Variants in TRPM3 observed in about 807,000 individuals in gnomAD.
TRPM3 encodes transient receptor potential cation channel subfamily M member 3, also known as long transient receptor potential channel 3.
A neutral mutation model predicts 181.2 loss-of-function variants in TRPM3; 77 were observed. That is an observed-to-expected ratio of 0.42 (90% CI 0.35 to 0.51). TRPM3 has a LOEUF of 0.51. TRPM3 is among the 20% of genes least tolerant of loss of function. The pLI is 0.01. For synonymous variants in TRPM3, 745 were observed against 796.4 expected (o/e 0.94, Z 1.09); for missense variants, 1,759 against 2,196.7 (o/e 0.80, Z 3.98).
intron 8 of TRPM3, among the ~76,000 whole-genome samples, chr9:70,698,734 C>A (rs1019908227): frequency 5.3e-5 from 8 of 151,996 alleles, no homozygotes; most frequent in African/African-American, 1.9e-4. Flanking sequence ...TTAGCACCAT[C>A]CCCCCTTGGT....
chr9:70,870,943 A>G (rs1214513075), intron 1 of TRPM3, among the ~76,000 whole-genome samples: 1 of 151,996 alleles, frequency 6.6e-6, no homozygotes, highest in Non-Finnish European at 1.5e-5. Flanking sequence ...ATAGTCAGAA[A>G]ATATTTTTTT....
chr9:71,261,715 G>A (rs1410506283), intron 1 of TRPM3, among the ~76,000 whole-genome samples: 1 of 152,172 alleles, frequency 6.6e-6, no homozygotes, highest in African/African-American at 2.4e-5. Context: ...TCATGTTGAT[G>A]CTATTGGTTT....
intron 22 of TRPM3, among the ~76,000 whole-genome samples, chr9:70,589,760 G>T (rs763113311): frequency 6.6e-6 from 1 of 152,290 alleles, no homozygotes; most frequent in South Asian, 2.1e-4. Flanking sequence ...AGTCTTGATT[G>T]CCTTAGATAA....
chr9:70,642,369 T>C (rs567842278), intron 9 of TRPM3, among the ~76,000 whole-genome samples: 2 of 152,326 alleles, frequency 1.3e-5, no homozygotes, highest in East Asian at 1.9e-4. Flanking sequence ...CTCTTCATCA[T>C]TGCTGCTTCT....
At chr9:70,770,217 G>A (rs1478400329) in intron 7 of TRPM3, among the ~76,000 whole-genome samples, 1 of 152,114 alleles carries the variant, frequency 6.6e-6, no homozygotes, top group African/African-American at 2.4e-5. Context: ...AAGTGAACTG[G>A]CTGCCCAACT....
intron 1 of TRPM3, among the ~76,000 whole-genome samples, chr9:71,162,635 T>A (rs2076337067): frequency 6.6e-6 from 1 of 152,194 alleles, no homozygotes; most frequent in African/African-American, 2.4e-5. Flanking sequence ...TGAATTTTTT[T>A]AATTTAGAAA....
At chr9:71,253,920 A>G (rs1351670722) in intron 1 of TRPM3, among the ~76,000 whole-genome samples, 1 of 152,168 alleles carries the variant, frequency 6.6e-6, no homozygotes, top group East Asian at 1.9e-4. Context: ...ATGAAAGTGG[A>G]TAAATTATTA....
chr9:71,348,558 ATT>A (rs1456992494), intron 1 of TRPM3, among the ~76,000 whole-genome samples: 32 of 148,916 alleles, frequency 2.1e-4, no homozygotes, highest in Admixed American at 4.7e-4. Context: ...TTATATATTT[ATT>A]TATTTATTTA....
chr9:70,604,877 G>A (rs1177271661), intron 19 of TRPM3, among the ~76,000 whole-genome samples: 4 of 151,074 alleles, frequency 2.6e-5, no homozygotes, highest in Non-Finnish European at 4.4e-5. Flanking sequence ...CAAACTCCTG[G>A]GCTCAAGAGA....
intron 11 of TRPM3, 128 bp from the exon 12 acceptor site, chr9:70,635,389 T>C: frequency 1.5e-6 from 1 of 673,648 alleles, no homozygotes; most frequent in East Asian, 2.6e-5. Flanking sequence ...CTTGTTCTAG[T>C]TGCTCAGTGT....
At chr9:71,370,546 C>G (rs948591303) in intron 1 of TRPM3, among the ~76,000 whole-genome samples, 6 of 152,134 alleles carry the variant, frequency 3.9e-5, no homozygotes, top group African/African-American at 7.2e-5. Flanking sequence ...GGCCCTAACT[C>G]TCTTCAATTC....
At chr9:71,163,310 A>G (rs923364880) in intron 1 of TRPM3, among the ~76,000 whole-genome samples, 1 of 152,060 alleles carries the variant, frequency 6.6e-6, no homozygotes, top group African/African-American at 2.4e-5. Flanking sequence ...ATCAATAGTG[A>G]TAAAGAGGGG....
At chr9:70,843,947 T>C (rs2094831515) in intron 4 of TRPM3, among the ~76,000 whole-genome samples, 1 of 152,230 alleles carries the variant, frequency 6.6e-6, no homozygotes, top group African/African-American at 2.4e-5. Flanking sequence ...TTATACCTAG[T>C]GCCACTTCCT....
Position 71,049,424 on chromosome 9 carries a change from A to G in TRPM3, c.177+71754T>C, listed in dbSNP as rs188213241. ...TACTGAAATATAGTATATAATATCA[A>G]TACTCTCCAAAATATATTGTATTAA... On this transcript the variant is annotated intron_variant, in intron 1 of 25. Coordinates refer to ENST00000677713, the MANE Select transcript of TRPM3 (RefSeq NM_001366145.2). Among the ~76,000 whole-genome samples the G allele has an allele frequency of 2.3e-3, 357 of 152,298 alleles. 1 individual carries two copies. Among genetic ancestry groups the G allele is most frequent in the Non-Finnish European group, 4.1e-3 (279 of 68,020 alleles).
chr9:70,864,525 C>CAAAAAAGAAAAAAAA lies in TRPM3; in HGVS notation c.178-15_178-14insTTTTTTTTCTTTTTT, dbSNP rs2095599673. On this transcript the variant is annotated splice_polypyrimidine_tract_variant and intron_variant, in intron 1 of 25. Coordinates refer to ENST00000677713, the MANE Select transcript of TRPM3 (RefSeq NM_001366145.2). ...GGATTTCTGAGCCTGAAAAAGAAAA[C>CAAAAAAGAAAAAAAA]AAAAAAAAAAAAAAAAGAAAAAAGA... 1 of 798,322 alleles carries CAAAAAAGAAAAAAAA rather than the reference C, an allele frequency of 1.3e-6. No individual in the cohort carries two copies. The highest frequency in any genetic ancestry group is 1.6e-6 in the Non-Finnish European group (1 of 614,622). 49.5% of individuals were successfully genotyped at this position (798,322 alleles called of 1,614,324 possible). A position where few individuals can be genotyped will look rare whatever the true frequency, so the allele number is the denominator to read the frequency against.
intron 9 of TRPM3, among the ~76,000 whole-genome samples, chr9:70,651,068 G>C (rs898838698): frequency 3.3e-5 from 5 of 152,100 alleles, no homozygotes; most frequent in African/African-American, 9.7e-5. Flanking sequence ...ACATATGAAA[G>C]TGAATGAAGA....
chr9:71,424,364 G>A (rs767805922), intron 1 of TRPM3, among the ~76,000 whole-genome samples: 8 of 152,028 alleles, frequency 5.3e-5, no homozygotes, highest in South Asian at 2.1e-4. Flanking sequence ...CCACTAAAAC[G>A]TTTCAAGAAA....
At chr9:71,436,027 C>G (rs994716893) in intron 1 of TRPM3, among the ~76,000 whole-genome samples, 1 of 152,264 alleles carries the variant, frequency 6.6e-6, no homozygotes. Flanking sequence ...AGAATTCCCA[C>G]ATGTTGTGGG....
chr9:70,984,977 GT>G, intron 1 of TRPM3, among the ~76,000 whole-genome samples: 1 of 152,230 alleles, frequency 6.6e-6, no homozygotes, highest in South Asian at 2.1e-4. Flanking sequence ...TTGCTGTTGG[GT>G]TATCTCAAAT....
Sources: allele counts gnomAD v4.1 joint callset (sites outside exome capture counted in the v4.1 genomes callset), GRCh38; gene constraint gnomAD v4.1.1; transcripts MANE v1.5; gene names NCBI Gene and HGNC (gene_info 2026-07-23, HGNC 2026-07-21).